MYMK: variants seen among roughly 807,000 people sequenced by gnomAD.
MYMK encodes the protein myomaker, myoblast fusion factor, also known as protein myomaker.
Under a neutral mutation model 22.4 loss-of-function variants are expected in MYMK, and 16 were observed. That is an observed-to-expected ratio of 0.72 (90% CI 0.48 to 1.09). MYMK has a LOEUF of 1.09. Ranked by LOEUF, MYMK falls within the 50% of genes least tolerant of loss-of-function variation. MYMK has a pLI of 0.00. For missense variants in MYMK, 250 were observed against 295.6 expected (o/e 0.85, Z 1.13); for synonymous variants, 125 against 127.0 (o/e 0.98, Z 0.11).
Position 133,514,617 on chromosome 9 carries a change from A to G in MYMK, c.*19T>C. 6.2e-7 allele frequency: 1 copy of G among 1,608,642 alleles called. No homozygotes were observed. Among genetic ancestry groups the G allele is most frequent in the Non-Finnish European group, 8.5e-7 (1 of 1,177,006 alleles). ...TGAGCTGGGGAGGGCAGGGGCTCAG[A>G]GCCGGGCTGGGCGCAGCATCAGACA... is the stretch of plus-strand genomic sequence containing the variant. On this transcript the variant is annotated 3_prime_UTR_variant, in exon 5 of 5. Transcript: ENST00000339996.
intron 2 of MYMK, among the ~76,000 whole-genome samples, chr9:133,519,961 G>T (rs1010727455): frequency 6.6e-6 from 1 of 152,146 alleles, no homozygotes; most frequent in African/African-American, 2.4e-5. Context: ...ATTTTAAAAG[G>T]ATATAAAAAA....
At chr9:133,522,343 C>CGGGG (rs35248143) in intron 1 of MYMK, among the ~76,000 whole-genome samples, 12 of 140,116 alleles carry the variant, frequency 8.6e-5, no homozygotes, top group Admixed American at 1.4e-4. Context: ...GAGTGGCTGT[C>CGGGG]GGGGGGGGGC....
chr9:133,515,753 C>T lies in MYMK; in HGVS notation c.400-146G>A, dbSNP rs1045319175. The T allele has an allele frequency of 6.6e-6, 4 of 608,340 alleles. No homozygotes were observed. The highest frequency in any genetic ancestry group is 1.2e-5 in the Non-Finnish European group (4 of 340,192). The allele number at this position is 608,340 out of a possible 1,614,324, so 37.7% of individuals were successfully genotyped here. ...GGAGGCTCAGGAGCCTCCTGCCGCA[C>T]CCAGCCTCAGATGGCTTCTGCTGGA... is the stretch of plus-strand genomic sequence containing the variant. On this transcript the variant is annotated intron_variant, in intron 3 of 4. Transcript: ENST00000339996. This position sits in a 1 kb window ranked among gnomAD's most constrained non-coding sequence, Gnocchi z 5.8.
At chr9:133,521,000 G>A (rs1294814844) in intron 1 of MYMK, among the ~76,000 whole-genome samples, 1 of 152,112 alleles carries the variant, frequency 6.6e-6, no homozygotes, top group African/African-American at 2.4e-5. Context: ...ACTGAGAGCC[G>A]GGCTGTAGCT....
chr9:133,517,085 C>T (rs1844640795), intron 3 of MYMK, among the ~76,000 whole-genome samples: 1 of 152,208 alleles, frequency 6.6e-6, no homozygotes, highest in Non-Finnish European at 1.5e-5. Context: ...TGGTGGGAAA[C>T]ACAGCAGTGA....
At position 133,518,949 on chromosome 9, in the gene MYMK, G is replaced by T; in HGVS notation, c.324C>A (p.Ile108=). 1 of 1,613,998 alleles carries T rather than the reference G, an allele frequency of 6.2e-7. No individual in the cohort carries two copies. Among genetic ancestry groups the T allele is most frequent in the Non-Finnish European group, 8.5e-7 (1 of 1,180,018 alleles). ...MFGVLTIAVR[I]YHDRWGYGVY... ...CCCCGTAGCCCCATCGGTCATGGTA[G>T]ATCCGCACAGCAATGGTCAGGACGC... The change falls in exon 3 of 5, where the codon ATC becomes ATA. Residue 108 remains isoleucine (I), a synonymous_variant. Coordinates refer to ENST00000339996, the MANE Select transcript of MYMK (RefSeq NM_001080483.3).
chr9:133,521,767 C>T (rs1451911048), intron 1 of MYMK, among the ~76,000 whole-genome samples: 1 of 152,168 alleles, frequency 6.6e-6, no homozygotes, highest in Non-Finnish European at 1.5e-5. Flanking sequence ...AGGAAGACTC[C>T]GGCCCTAGGC....
chr9:133,518,467 G>A (rs577574586), intron 3 of MYMK, among the ~76,000 whole-genome samples: 28 of 152,376 alleles, frequency 1.8e-4, no homozygotes, highest in African/African-American at 6.3e-4. Flanking sequence ...GGTAGTAAGA[G>A]CGGTGATGAG....
intron 4 of MYMK, 90 bp from the exon 5 acceptor site, chr9:133,514,875 C>T (rs900557488): frequency 7.7e-6 from 11 of 1,433,690 alleles, no homozygotes; most frequent in Middle Eastern, 4.5e-4. Context: ...TTCAGGCCCC[C>T]GCCTCTGCCA....
chr9:133,515,480 G>A lies in MYMK; in HGVS notation c.516+11C>T. On this transcript the variant is annotated intron_variant, in intron 4 of 4. Transcript: ENST00000339996. This position sits in a 1 kb window ranked among gnomAD's most constrained non-coding sequence, Gnocchi z 5.8. Reference sequence around the variant, plus strand: ...CTGGGGCACAGGACACCTCCCCGCTGGGCTTGGTACCTCAAAGAAGAAGCG... The same window carrying A: ...CTGGGGCACAGGACACCTCCCCGCTAGGCTTGGTACCTCAAAGAAGAAGCG... 2.5e-6 allele frequency: 4 copies of A among 1,586,758 alleles called. No homozygotes were observed. The highest frequency in any genetic ancestry group is 3.5e-6 in the Non-Finnish European group (4 of 1,155,616).
chr9:133,518,366 A>G (rs898772177), intron 3 of MYMK, among the ~76,000 whole-genome samples: 1 of 152,214 alleles, frequency 6.6e-6, no homozygotes, highest in Non-Finnish European at 1.5e-5. Flanking sequence ...CCTCCTGGCT[A>G]GAACCAAGCT....
intron 1 of MYMK, among the ~76,000 whole-genome samples, chr9:133,521,247 G>C (rs1231487853): frequency 6.6e-6 from 1 of 152,262 alleles, no homozygotes; most frequent in South Asian, 2.1e-4. Context: ...CATCATTTTA[G>C]GTAATATTTA....
rs367872967 is a variant in MYMK, at chr9:133,514,647, C to T, written c.655G>A (p.Ala219Thr). ...AKLDCSTLCCACV is the reference protein window; with the variant it reads ...AKLDCSTLCCTCV ...GGCTGGGCGCAGCATCAGACACAAG[C>T]ACAGCACAGGGTGGAGCAGTCCAGC... is the stretch of plus-strand genomic sequence containing the variant. The change falls in exon 5 of 5, where the codon GCT (alanine) becomes ACT (threonine). Residue 219 changes from alanine to threonine, a missense_variant. Physicochemically the swap from Ala to Thr is moderately conservative, Grantham distance 58 (BLOSUM62 0). Transcript: ENST00000339996. 6.2e-7 allele frequency: 1 copy of T among 1,613,460 alleles called. No homozygotes were observed. The highest frequency in any genetic ancestry group is 8.5e-7 in the Non-Finnish European group (1 of 1,179,564).
At position 133,518,997 on chromosome 9, in the gene MYMK, C is replaced by G. The variant is rs1310828236; in HGVS notation, c.276G>C (p.Lys92Asn). ...LMALADFDEP[K>N]RSTFVMFGVL... ...CGCCGAACATCACAAATGTTGACCTCTTGGGTTCGTCGAAGTCGGCCAGTG... is the reference window on the plus strand; with the variant it reads ...CGCCGAACATCACAAATGTTGACCTGTTGGGTTCGTCGAAGTCGGCCAGTG... The change falls in exon 3 of 5, where the codon AAG becomes AAC. Residue 92 changes from lysine (K) to asparagine (N), a missense_variant. Physicochemically the swap from Lys to Asn is moderately conservative, Grantham distance 94. Transcript: ENST00000339996. The G allele has an allele frequency of 6.2e-7, 1 of 1,613,996 alleles. No homozygotes were observed. The highest frequency in any genetic ancestry group is 1.1e-5 in the South Asian group (1 of 91,074).
At chr9:133,524,106 C>A (rs1368034916) in intron 1 of MYMK, among the ~76,000 whole-genome samples, 2 of 151,764 alleles carry the variant, frequency 1.3e-5, no homozygotes, top group East Asian at 1.9e-4. Context: ...AGAGAGCAAG[C>A]GGAGACAGTC....
chr9:133,514,847 A>G, intron 4 of MYMK, 62 bp from the exon 5 acceptor site: 1 of 1,556,416 alleles, frequency 6.4e-7, no homozygotes, highest in Non-Finnish European at 8.7e-7. Context: ...CTCCCTCTCC[A>G]AGACCCAGCA....
Position 133,520,374 on chromosome 9 carries a change from C to A in MYMK, c.136-86G>T, listed in dbSNP as rs1844688790. On this transcript the variant is annotated intron_variant, in intron 1 of 4. Coordinates refer to ENST00000339996, the MANE Select transcript of MYMK (RefSeq NM_001080483.3). ...GGCCCCCAGAGTGCCAGGTCACTTG[C>A]TGGCTGTGAGAAGTCACTTTGGCGA... 14 of 1,048,294 alleles carry A rather than the reference C, an allele frequency of 1.3e-5. No homozygotes were observed. In the East Asian group the frequency reaches 3.6e-4, roughly 27 times the overall value. 64.9% of individuals were successfully genotyped at this position (1,048,294 alleles called of 1,614,324 possible).
chr9:133,514,920 G>C lies in MYMK; in HGVS notation c.517-135C>G, dbSNP rs1037883797. The C allele has an allele frequency of 5.1e-6, 5 of 973,862 alleles. No homozygotes were observed. In the African/African-American group the frequency reaches 6.6e-5, roughly 13 times the overall value. 60.3% of individuals were successfully genotyped at this position (973,862 alleles called of 1,614,324 possible). On this transcript the variant is annotated intron_variant, in intron 4 of 4. Transcript: ENST00000339996. ...GACACCTGCAGGAAGCCTCCCCCAC[G>C]GTCGCGCTCACAGTGGTTTTTCTCT...
intron 3 of MYMK, among the ~76,000 whole-genome samples, 166 bp downstream of exon 3, chr9:133,518,708 G>A (rs998159440): frequency 7.2e-5 from 11 of 152,192 alleles, no homozygotes; most frequent in African/African-American, 2.2e-4. Context: ...CTACACAGCC[G>A]GAGCACCTCA....
Sources: gnomAD v4.1 joint callset for allele counts (sites outside exome capture counted in the v4.1 genomes callset) on GRCh38, gnomAD v4.1.1 for gene constraint, Gnocchi (gnomAD v3.1) non-coding constraint, MANE v1.5 for transcripts, NCBI Gene and HGNC (gene_info 2026-07-23, HGNC 2026-07-21) for gene names.